Variants in CEP128 observed in about 807,000 individuals in gnomAD.
The protein encoded by CEP128 is centrosomal protein 128kDa.
Under a neutral mutation model 156.7 loss-of-function variants are expected in CEP128, and 132 were observed. That is an observed-to-expected ratio of 0.84 (90% CI 0.73 to 0.97). The LOEUF is 0.97. CEP128 is among the 50% of genes least tolerant of loss of function. The pLI, the probability that CEP128 is intolerant of heterozygous loss-of-function variation, is 0.00. For missense variants in CEP128, 1,252 were observed against 1,281.9 expected (o/e 0.98, Z 0.36); for synonymous variants, 469 against 448.9 (o/e 1.04, Z -0.57).
At chr14:80,722,177 T>C (rs1444280622) in intron 19 of CEP128, among the ~76,000 whole-genome samples, 3 of 152,184 alleles carry the variant, frequency 2.0e-5, no homozygotes. Context: ...GATAGCCAAA[T>C]GTCCTTCAGT....
intron 8 of CEP128, among the ~76,000 whole-genome samples, chr14:80,889,508 A>T (rs558576487): frequency 6.6e-6 from 1 of 152,370 alleles, no homozygotes; most frequent in Middle Eastern, 3.4e-3. Flanking sequence ...AACAAATCTG[A>T]CAAAAACAAG....
chr14:80,675,370 T>C (rs1479552789), intron 19 of CEP128, among the ~76,000 whole-genome samples: 1 of 152,104 alleles, frequency 6.6e-6, no homozygotes. Context: ...CTTTATAAGA[T>C]GTTTTTTAAG....
intron 6 of CEP128, among the ~76,000 whole-genome samples, chr14:80,902,023 C>T (rs1358373283): frequency 6.6e-6 from 1 of 152,176 alleles, no homozygotes; most frequent in Non-Finnish European, 1.5e-5. Flanking sequence ...ATTTGTTCTA[C>T]CTAGAATGAC....
chr14:80,696,309 C>T (rs1259344054), intron 19 of CEP128, among the ~76,000 whole-genome samples: 2 of 152,050 alleles, frequency 1.3e-5, no homozygotes, highest in Non-Finnish European at 2.9e-5. Flanking sequence ...TATAGGATAT[C>T]CAAGCAAACA....
rs1893305848 is a variant in CEP128, at chr14:80,618,117, G to A, written c.2807-37694C>T. ...ATTCTGTAACATGCAATAAAGATAAGTATGCAACATTCCCATTTATATCTG... is the reference window on the plus strand; with the variant it reads ...ATTCTGTAACATGCAATAAAGATAAATATGCAACATTCCCATTTATATCTG... On this transcript the variant is annotated intron_variant, in intron 19 of 24. Coordinates refer to ENST00000555265, the MANE Select transcript of CEP128 (RefSeq NM_152446.5). Among the ~76,000 whole-genome samples, 2 of 152,178 alleles carry A rather than the reference G, an allele frequency of 1.3e-5. 1 individual carries two copies. Among genetic ancestry groups the A allele is most frequent in the South Asian group, 4.1e-4 (2 of 4,834 alleles).
chr14:80,777,205 T>C (rs141533307), intron 16 of CEP128, among the ~76,000 whole-genome samples: 5 of 152,272 alleles, frequency 3.3e-5, no homozygotes, highest in East Asian at 1.9e-4. Context: ...GTGATGATAA[T>C]TGAGGGTGGG....
At chr14:80,576,589 C>T (rs1212905858) in intron 20 of CEP128, among the ~76,000 whole-genome samples, 2 of 149,826 alleles carry the variant, frequency 1.3e-5, no homozygotes, top group Non-Finnish European at 3.0e-5. Context: ...TTATCCTTCT[C>T]CACTGCTACT....
chr14:80,881,638 C>T (rs1888558118), intron 8 of CEP128, among the ~76,000 whole-genome samples: 2 of 152,104 alleles, frequency 1.3e-5, no homozygotes, highest in African/African-American at 4.8e-5. Flanking sequence ...AACTACAAGC[C>T]AATATCCTTG....
chr14:80,740,277 T>C (rs980935360), intron 19 of CEP128, among the ~76,000 whole-genome samples: 1 of 152,112 alleles, frequency 6.6e-6, no homozygotes, highest in Non-Finnish European at 1.5e-5. Flanking sequence ...AAAAAATCAC[T>C]GCCTTCATAG....
rs1049100071 is a variant in CEP128, at chr14:80,782,305, G to C, written c.2211+2590C>G. On this transcript the variant is annotated intron_variant, in intron 15 of 24. Transcript: ENST00000555265. The stretch of plus-strand genomic sequence containing the variant: ...CCAACATCGCACAACAGCAACCACT[G>C]CATGACCACACCTTAGACCTCAACT... Among the ~76,000 whole-genome samples the C allele has an allele frequency of 1.3e-5, 2 of 152,170 alleles. 1 individual carries two copies. The highest frequency in any genetic ancestry group is 4.8e-5 in the African/African-American group (2 of 41,428).
intron 19 of CEP128, among the ~76,000 whole-genome samples, chr14:80,610,064 G>A (rs1184378744): frequency 6.6e-6 from 1 of 151,870 alleles, no homozygotes; most frequent in African/African-American, 2.4e-5. Context: ...TTTAATAAAT[G>A]GTAGCACGTT....
At position 80,527,207 on chromosome 14, in the gene CEP128, T is replaced by C. The variant is rs530754731; in HGVS notation, c.2959-225A>G. ...ACTTTAGGAGGCCAAGGTGGGAGGA[T>C]AGCTCTAGTCCAGGAGTTCGAGACC... On this transcript the variant is annotated intron_variant, in intron 22 of 24. Coordinates refer to ENST00000555265, the MANE Select transcript of CEP128 (RefSeq NM_152446.5). 95 of 543,848 alleles carry C rather than the reference T, an allele frequency of 1.7e-4. No homozygotes were observed. In the East Asian group the frequency reaches 2.8e-3, roughly 16 times the overall value. 33.7% of individuals were successfully genotyped at this position (543,848 alleles called of 1,614,324 possible).
At chr14:80,860,127 A>T (rs1367171684) in intron 9 of CEP128, among the ~76,000 whole-genome samples, 2 of 152,204 alleles carry the variant, frequency 1.3e-5, no homozygotes, top group African/African-American at 4.8e-5. Flanking sequence ...AATAAAAAGA[A>T]GGGAAAGTGT....
At chr14:80,944,822 C>CAAAAAAAAAAAAAAA (rs55662141), upstream of CEP128, among the ~76,000 whole-genome samples, 11 of 34,652 alleles carry the variant, frequency 3.2e-4, no homozygotes, top group Admixed American at 6.5e-4. Context: ...GAGTCTGTCT[C>CAAAAAAAAAAAAAAA]AAAAAAAAAA....
At position 80,743,279 on chromosome 14, in the gene CEP128, C is replaced by A. The variant is rs543934516; in HGVS notation, c.2614-12G>T. ...CACTGAAGTTTAGTCTAAAAAATAACATTTATATCTAATGGTTAAAGAAAC... is the reference window on the plus strand; with the variant it reads ...CACTGAAGTTTAGTCTAAAAAATAAAATTTATATCTAATGGTTAAAGAAAC... On this transcript the variant is annotated splice_polypyrimidine_tract_variant and intron_variant, in intron 18 of 24. Coordinates refer to ENST00000555265, the MANE Select transcript of CEP128 (RefSeq NM_152446.5). The A allele has an allele frequency of 5.1e-6, 8 of 1,569,060 alleles. No individual in the cohort carries two copies. In the South Asian group the frequency reaches 9.0e-5, roughly 18 times the overall value.
intron 19 of CEP128, among the ~76,000 whole-genome samples, chr14:80,732,145 G>A (rs1168981477): frequency 6.6e-6 from 1 of 152,072 alleles, no homozygotes; most frequent in Non-Finnish European, 1.5e-5. Context: ...CAGATGCAAT[G>A]AGGAAACAAG....
At chr14:80,871,718 AAATTCATATTTACCAG>A (rs1255634575) in intron 8 of CEP128, among the ~76,000 whole-genome samples, 2 of 152,160 alleles carry the variant, frequency 1.3e-5, no homozygotes, top group East Asian at 3.8e-4. Flanking sequence ...CAATACTAAA[AAATTCATATTTACCAG>A]AATACCATTA....
At chr14:80,616,742 A>G (rs934033983) in intron 19 of CEP128, among the ~76,000 whole-genome samples, 2 of 152,250 alleles carry the variant, frequency 1.3e-5, no homozygotes, top group Non-Finnish European at 2.9e-5. Flanking sequence ...GGAAAAGTAG[A>G]AAATTTAGAA....
chr14:80,876,601 A>C (rs1308159507), intron 8 of CEP128, among the ~76,000 whole-genome samples: 1 of 151,800 alleles, frequency 6.6e-6, no homozygotes, highest in African/African-American at 2.4e-5. Context: ...CCATTTCAAA[A>C]AAAAAAAAAA....
Sources: gnomAD v4.1 joint callset for allele counts (sites outside exome capture counted in the v4.1 genomes callset) on GRCh38, gnomAD v4.1.1 for gene constraint, MANE v1.5 for transcripts, NCBI Gene and HGNC (gene_info 2026-07-23, HGNC 2026-07-21) for gene names.